Variants in AGBL4 observed in about 807,000 individuals in gnomAD.
The protein encoded by AGBL4 is AGBL carboxypeptidase 4.
AGBL4 carries 58 observed loss-of-function variants against 66.4 expected under a neutral mutation model. The observed-to-expected ratio is 0.87, with a 90% confidence interval of 0.71 to 1.09. AGBL4 has a LOEUF of 1.09. Among genes scored for constraint, AGBL4 ranks in the 50% least tolerant of loss-of-function variants. The probability of loss-of-function intolerance (pLI) is 0.00; values close to 1 mark genes in which losing one functional copy is unlikely to be tolerated. For synonymous variants in AGBL4, 234 were observed against 222.9 expected (o/e 1.05, Z -0.44); for missense variants, 579 against 631.0 (o/e 0.92, Z 0.88).
intron 3 of AGBL4, among the ~76,000 whole-genome samples, chr1:49,253,740 T>G (rs781366222): frequency 1.3e-5 from 2 of 151,778 alleles, no homozygotes; most frequent in Non-Finnish European, 2.9e-5. Context: ...GCAATATCCT[T>G]GATGAACACT....
At chr1:49,195,662 G>T (rs1045862349) in intron 4 of AGBL4, among the ~76,000 whole-genome samples, 2 of 152,068 alleles carry the variant, frequency 1.3e-5, no homozygotes, top group African/African-American at 4.8e-5. Context: ...TATTTTCCGG[G>T]TGATCTTGGA....
intron 3 of AGBL4, among the ~76,000 whole-genome samples, chr1:49,562,459 T>G (rs868169445): frequency 3.3e-5 from 5 of 152,320 alleles, no homozygotes; most frequent in Middle Eastern, 3.4e-3. Flanking sequence ...ATGTAAGTCT[T>G]TAATCCATCT....
chr1:49,603,965 CA>C lies in AGBL4; in HGVS notation c.282+93347del, dbSNP rs1558093672. The stretch of plus-strand genomic sequence containing the variant: ...ACACACACACACACACACACACACA[CA>C]CACACACACACACACCACATTTTAG... On this transcript the variant is annotated intron_variant, in intron 3 of 13. Coordinates refer to ENST00000371839, the MANE Select transcript of AGBL4 (RefSeq NM_032785.4). Among the ~76,000 whole-genome samples the C allele has an allele frequency of 2.7e-3, 399 of 150,498 alleles. 2 individuals carry two copies. Among genetic ancestry groups the C allele is most frequent in the African/African-American group, 9.4e-3 (386 of 41,152 alleles).
At chr1:49,261,211 G>T (rs1006229824) in intron 3 of AGBL4, among the ~76,000 whole-genome samples, 4 of 150,744 alleles carry the variant, frequency 2.7e-5, no homozygotes, top group African/African-American at 9.7e-5. Context: ...CATACTGAAT[G>T]GGCAAAAACT....
At chr1:50,000,595 C>T (rs1198341982) in intron 1 of AGBL4, among the ~76,000 whole-genome samples, 1 of 152,102 alleles carries the variant, frequency 6.6e-6, no homozygotes, top group Non-Finnish European at 1.5e-5. Flanking sequence ...GAAAAGAAGA[C>T]ATTATACAAA....
intron 9 of AGBL4, among the ~76,000 whole-genome samples, chr1:48,629,983 C>T (rs1645567369): frequency 6.6e-6 from 1 of 152,182 alleles, no homozygotes; most frequent in South Asian, 2.1e-4. Flanking sequence ...TTATCCTGAG[C>T]ACCTGCTTAC....
chr1:49,079,470 T>C (rs1295710634), intron 4 of AGBL4, among the ~76,000 whole-genome samples: 1 of 152,124 alleles, frequency 6.6e-6, no homozygotes, highest in African/African-American at 2.4e-5. Context: ...AGGAACACTA[T>C]GAAACCATCA....
chr1:49,144,027 A>G (rs1272171963), intron 4 of AGBL4, among the ~76,000 whole-genome samples: 2 of 152,254 alleles, frequency 1.3e-5, no homozygotes, highest in African/African-American at 2.4e-5. Flanking sequence ...AGATTGTCTC[A>G]TAAGTTCTCT....
At chr1:49,759,697 G>T (rs1652159175) in intron 2 of AGBL4, among the ~76,000 whole-genome samples, 1 of 152,102 alleles carries the variant, frequency 6.6e-6, no homozygotes, top group African/African-American at 2.4e-5. Context: ...TTCTATGGTG[G>T]AAACAACCCA....
intron 3 of AGBL4, among the ~76,000 whole-genome samples, chr1:49,326,799 G>C (rs1164670733): frequency 6.6e-6 from 1 of 152,098 alleles, no homozygotes; most frequent in Non-Finnish European, 1.5e-5. Flanking sequence ...CATTTTGTAT[G>C]GTTTCTTATT....
intron 3 of AGBL4, among the ~76,000 whole-genome samples, chr1:49,567,061 G>A (rs972928859): frequency 1.3e-5 from 2 of 152,222 alleles, no homozygotes; most frequent in Admixed American, 6.5e-5. Flanking sequence ...TGCCGTGCTA[G>A]CAATGAGCGA....
At chr1:49,245,716 G>C in intron 4 of AGBL4, 54 bp downstream of exon 4, 2 of 1,344,566 alleles carry the variant, frequency 1.5e-6, no homozygotes, top group South Asian at 1.3e-5. Flanking sequence ...ATATGTATGG[G>C]GTCTGGGACA....
At chr1:49,107,813 G>A (rs767586895) in intron 4 of AGBL4, among the ~76,000 whole-genome samples, 2 of 151,890 alleles carry the variant, frequency 1.3e-5, no homozygotes, top group African/African-American at 4.8e-5. Flanking sequence ...AGGATAGGGG[G>A]ATGATCAATA....
chr1:49,996,290 T>C (rs1333606212), intron 1 of AGBL4: 1 of 151,930 alleles, frequency 6.6e-6, no homozygotes, highest in Non-Finnish European at 1.5e-5. Flanking sequence ...GAAAGGCAAA[T>C]ACCAACTTAA....
intron 3 of AGBL4, among the ~76,000 whole-genome samples, chr1:49,337,641 A>G (rs559720260): frequency 2.0e-5 from 3 of 152,314 alleles, no homozygotes; most frequent in African/African-American, 4.8e-5. Flanking sequence ...CTCTTCAAAC[A>G]GGAGGAAAAG....
intron 11 of AGBL4, among the ~76,000 whole-genome samples, chr1:48,561,648 C>T (rs1250808778): frequency 6.6e-6 from 1 of 152,206 alleles, no homozygotes; most frequent in Non-Finnish European, 1.5e-5. Context: ...GGGCCTCATC[C>T]AATCAGTTGA....
At chr1:49,084,754 C>T (rs1033637194) in intron 4 of AGBL4, among the ~76,000 whole-genome samples, 2 of 152,132 alleles carry the variant, frequency 1.3e-5, no homozygotes, top group Non-Finnish European at 2.9e-5. Flanking sequence ...CATTCAGACT[C>T]TTCTCTAGAC....
At chr1:48,703,948 T>C (rs1646841982) in intron 6 of AGBL4, among the ~76,000 whole-genome samples, 3 of 152,184 alleles carry the variant, frequency 2.0e-5, no homozygotes, top group Admixed American at 2.0e-4. Context: ...CATTAGGCAA[T>C]TGCATGGTTG....
intron 3 of AGBL4, among the ~76,000 whole-genome samples, chr1:49,291,783 A>C (rs567280395): frequency 6.6e-6 from 1 of 152,188 alleles, no homozygotes; most frequent in Non-Finnish European, 1.5e-5. Context: ...GCAGGGAGGC[A>C]TGGCTGGGGC....
Sources: allele counts gnomAD v4.1 joint callset (sites outside exome capture counted in the v4.1 genomes callset), GRCh38; gene constraint gnomAD v4.1.1; transcripts MANE v1.5; gene names NCBI Gene and HGNC (gene_info 2026-07-23, HGNC 2026-07-21).